TNR: variants seen among roughly 807,000 people sequenced by gnomAD.
TNR encodes tenascin-R.
TNR carries 45 observed loss-of-function variants against 150.4 expected under a neutral mutation model. That is an observed-to-expected ratio of 0.30 (90% CI 0.24 to 0.38). TNR has a LOEUF of 0.38. Ranked by LOEUF, TNR falls within the 10% of genes least tolerant of loss-of-function variation. The pLI, the probability that TNR is intolerant of heterozygous loss-of-function variation, is 1.00. For missense variants in TNR, 1,544 were observed against 1,759.1 expected, an observed-to-expected ratio of 0.88 and a Z score of 2.19; for synonymous variants, 687 against 678.4, an observed-to-expected ratio of 1.01 and a Z score of -0.20.
chr1:175,612,133 T>C (rs186304742), intron 1 of TNR, among the ~76,000 whole-genome samples: 22 of 152,204 alleles, frequency 1.4e-4, no homozygotes, highest in African/African-American at 5.3e-4. Flanking sequence ...GCCCACAGGT[T>C]GGGTTTTTGG....
At chr1:175,519,197 A>G (rs970904047) in intron 2 of TNR, among the ~76,000 whole-genome samples, 1 of 152,120 alleles carries the variant, frequency 6.6e-6, no homozygotes, top group African/African-American at 2.4e-5. Flanking sequence ...TACCGCTCTG[A>G]CTCTAAGAAT....
At chr1:175,616,248 C>G (rs1035672312) in intron 1 of TNR, among the ~76,000 whole-genome samples, 1 of 152,178 alleles carries the variant, frequency 6.6e-6, no homozygotes. Flanking sequence ...CTGCTCATGG[C>G]CCTGTGTTCA....
Position 175,743,513 on chromosome 1 carries a change from TTC to T in TNR, c.-454_-453del, listed in dbSNP as rs1250520180. The T allele has an allele frequency of 6.6e-6, 1 of 152,246 alleles. No homozygotes were observed. Among genetic ancestry groups the T allele is most frequent in the African/African-American group, 2.4e-5 (1 of 41,422 alleles). 9.4% of individuals were successfully genotyped at this position (152,246 alleles called of 1,614,324 possible). A position where few individuals can be genotyped will look rare whatever the true frequency, so the allele number is the denominator to read the frequency against. ...ATTCCTTGGGTCAGAGAGGACCCCC[TTC>T]TCTCACTCTCCCTGGGTCTGCCCGT... On this transcript the variant is annotated 5_prime_UTR_variant, in exon 1 of 23. Coordinates refer to ENST00000367674, the MANE Select transcript of TNR (RefSeq NM_003285.3).
At chr1:175,701,544 G>A (rs1412609103) in intron 1 of TNR, among the ~76,000 whole-genome samples, 2 of 152,224 alleles carry the variant, frequency 1.3e-5, no homozygotes, top group Non-Finnish European at 2.9e-5. Flanking sequence ...TTGGAGACTA[G>A]GGATGAGGTT....
chr1:175,379,872 G>T, intron 8 of TNR, 135 bp from the exon 9 acceptor site: 1 of 1,002,400 alleles, frequency 1.0e-6, no homozygotes, highest in Non-Finnish European at 1.4e-6. Context: ...AATGAACACT[G>T]TGGCTACCCT....
intron 2 of TNR, among the ~76,000 whole-genome samples, chr1:175,503,544 T>C (rs1357430136): frequency 6.6e-6 from 1 of 152,112 alleles, no homozygotes; most frequent in East Asian, 1.9e-4. Flanking sequence ...AAACTGTAAA[T>C]CCCTGTACAA....
chr1:175,579,258 T>C (rs924756527), intron 1 of TNR, among the ~76,000 whole-genome samples: 3 of 152,004 alleles, frequency 2.0e-5, no homozygotes, highest in African/African-American at 7.2e-5. Context: ...CCTGACTGAA[T>C]TTAAGATTTG....
chr1:175,408,724 A>G (rs1436288048), intron 2 of TNR, among the ~76,000 whole-genome samples: 1 of 152,222 alleles, frequency 6.6e-6, no homozygotes, highest in Admixed American at 6.5e-5. Context: ...GGCTAATGGA[A>G]TTATTATCTG....
At chr1:175,408,241 T>C (rs534792848) in intron 2 of TNR, among the ~76,000 whole-genome samples, 13 of 152,294 alleles carry the variant, frequency 8.5e-5, no homozygotes, top group African/African-American at 3.1e-4. Flanking sequence ...GAGTGCTCAG[T>C]GCATAGTTGT....
chr1:175,640,123 G>C (rs1372335901), intron 1 of TNR, among the ~76,000 whole-genome samples: 1 of 152,230 alleles, frequency 6.6e-6, no homozygotes, highest in Non-Finnish European at 1.5e-5. Flanking sequence ...GGTGACATGA[G>C]TAAATAGGTA....
At chr1:175,344,739 G>A (rs1650696614) in intron 18 of TNR, among the ~76,000 whole-genome samples, 1 of 152,082 alleles carries the variant, frequency 6.6e-6, no homozygotes, top group Admixed American at 6.5e-5. Context: ...AGAATTTCCA[G>A]GCCTAGGTAT....
intron 6 of TNR, 96 bp downstream of exon 6, chr1:175,393,684 A>C: frequency 1.1e-6 from 1 of 943,344 alleles, no homozygotes; most frequent in Non-Finnish European, 1.7e-6. Flanking sequence ...ATGGAGAGAG[A>C]TATTGGGTAG....
Position 175,317,756 on chromosome 1 carries a change from G to A in TNR, c.*5601C>T, listed in dbSNP as rs1319636534. On this transcript the variant is annotated 3_prime_UTR_variant, in exon 23 of 23. Coordinates refer to ENST00000367674, the MANE Select transcript of TNR (RefSeq NM_003285.3). ...TGAACTGGAACTTTAGCATTAGCCT[G>A]GCTTCATGGCCCAGACAATAAGGAG... 3 of 152,220 alleles carry A rather than the reference G, an allele frequency of 2.0e-5. No homozygotes were observed. The East Asian group carries it at 5.8e-4, about 29-fold the overall frequency. The allele number at this position is 152,220 out of a possible 1,614,324, so 9.4% of individuals were successfully genotyped here.
intron 2 of TNR, among the ~76,000 whole-genome samples, chr1:175,527,286 A>C (rs1054900781): frequency 3.9e-5 from 6 of 152,170 alleles, no homozygotes; most frequent in Non-Finnish European, 8.8e-5. Context: ...GAATGTTCAA[A>C]GGTGTTTTAA....
At chr1:175,337,121 C>T (rs951597150) in intron 19 of TNR, among the ~76,000 whole-genome samples, 1 of 152,188 alleles carries the variant, frequency 6.6e-6, no homozygotes, top group Non-Finnish European at 1.5e-5. Flanking sequence ...TCTCGAACTC[C>T]TGGCCTCAAG....
intron 1 of TNR, among the ~76,000 whole-genome samples, chr1:175,730,777 AC>A (rs1201399986): frequency 1.3e-5 from 2 of 152,178 alleles, no homozygotes; most frequent in Non-Finnish European, 2.9e-5. Flanking sequence ...GAGAGTGGTG[AC>A]AAGGAGAGCT....
intron 20 of TNR, among the ~76,000 whole-genome samples, chr1:175,331,076 TC>T (rs1295032836): frequency 3.6e-4 from 43 of 120,462 alleles, no homozygotes; most frequent in East Asian, 7.1e-4. Context: ...TTTCTTTCTT[TC>T]CTTCTTTCTT....
At chr1:175,335,597 G>T in intron 20 of TNR, 114 bp downstream of exon 20, 1 of 1,013,192 alleles carries the variant, frequency 9.9e-7, no homozygotes, top group Non-Finnish European at 1.5e-6. Flanking sequence ...TTCAGGAGCT[G>T]TTAGCTTCTC....
chr1:175,366,183 A>AG, intron 10 of TNR, 45 bp from the exon 11 acceptor site: 1 of 1,538,510 alleles, frequency 6.5e-7, no homozygotes, highest in Non-Finnish European at 8.8e-7. Flanking sequence ...GTTCCCCTGG[A>AG]GGGCAGTATT....
Sources: allele counts gnomAD v4.1 joint callset (sites outside exome capture counted in the v4.1 genomes callset), GRCh38; gene constraint gnomAD v4.1.1; transcripts MANE v1.5; gene names NCBI Gene and HGNC (gene_info 2026-07-23, HGNC 2026-07-21).